The following NCOR2 variants were observed in gnomAD, a reference collection of about 807,000 sequenced individuals.
NCOR2 encodes the protein nuclear receptor corepressor 2.
Under a neutral mutation model 262.9 loss-of-function variants are expected in NCOR2, and 81 were observed. The observed-to-expected ratio is 0.31, with a 90% CI of 0.26 to 0.37. The LOEUF is 0.37. Ranked by LOEUF, NCOR2 falls within the 10% of genes least tolerant of loss-of-function variation. The pLI, the probability that NCOR2 is intolerant of heterozygous loss-of-function variation, is 1.00. For missense variants in NCOR2, 3,385 were observed against 3,621.4 expected (o/e 0.93, Z 1.68); for synonymous variants, 1,659 against 1,559.3 (o/e 1.06, Z -1.51).
intron 1 of NCOR2, chr12:124,529,789 G>A (rs1313551880): frequency 6.6e-6 from 1 of 152,188 alleles, no homozygotes; most frequent in African/African-American, 2.4e-5. Flanking sequence ...CTCCTGGAAC[G>A]GCTAACATTA....
At chr12:124,498,610 G>A (rs978755870), upstream of NCOR2, among the ~76,000 whole-genome samples, 1 of 152,190 alleles carries the variant, frequency 6.6e-6, no homozygotes, top group East Asian at 1.9e-4. Context: ...ACGGTTTGGC[G>A]GTTCCTCAAA....
chr12:124,343,120 G>A (rs1159772523), exon 33 of NCOR2: 13 of 1,612,262 alleles, frequency 8.1e-6, no homozygotes, highest in African/African-American at 1.3e-5. Context: ...AGGGCGAGAT[G>A]GGGTGTGGGT....
chr12:124,425,189 A>T (rs559406731), intron 11 of NCOR2, among the ~76,000 whole-genome samples: 2 of 152,146 alleles, frequency 1.3e-5, no homozygotes, highest in Non-Finnish European at 2.9e-5. Flanking sequence ...CCTGGCTAAC[A>T]TGGTGAAACC....
In NCOR2 at chr12:124,335,076, C is replaced by T. The variant is rs4765546; in HGVS notation, c.6411+59G>A. On this transcript the variant is annotated intron_variant, in intron 40 of 46. Transcript: ENST00000405201. ...GGCTGTGGGGTTCCCCATCCCCTCT[C>T]CAGGCCTGGTGCCCCCAGGTGCAAA... The T allele has an allele frequency of 6.8e-3, 10,906 of 1,611,262 alleles. 479 individuals are homozygous for T. In the African/African-American group the frequency reaches 0.11, roughly 16 times the overall value.
chr12:124,446,174 T>C (rs1434034843), intron 7 of NCOR2, among the ~76,000 whole-genome samples: 1 of 152,198 alleles, frequency 6.6e-6, no homozygotes. Flanking sequence ...TCCTGGGCAC[T>C]GCAGATTTCC....
At chr12:124,373,843 T>G (rs909866592) in intron 19 of NCOR2, among the ~76,000 whole-genome samples, 1 of 2,832 alleles carries the variant, frequency 3.5e-4, no homozygotes, top group South Asian at 6.7e-3. Context: ...CGGTGGACAA[T>G]CATGAGGCCA....
At chr12:124,444,735 C>A (rs538992879) in intron 7 of NCOR2, among the ~76,000 whole-genome samples, 20 of 152,108 alleles carry the variant, frequency 1.3e-4, no homozygotes, top group African/African-American at 4.8e-4. Context: ...GAAGAGACTG[C>A]GGGTTGGGGT....
At position 124,363,705 on chromosome 12, in the gene NCOR2, G is replaced by A; in HGVS notation, c.2902C>T (p.Gln968Ter). 7.1e-7 allele frequency: 1 copy of A among 1,407,800 alleles called. No homozygotes were observed. Among genetic ancestry groups the A allele is most frequent in the Non-Finnish European group, 9.3e-7 (1 of 1,071,004 alleles). 87.2% of individuals were successfully genotyped at this position (1,407,800 alleles called of 1,614,324 possible). Residue 968 changes from glutamine (Q) to a stop codon, truncating the protein, a stop_gained, in exon 21 of 47, where the codon CAG becomes TAG. Coordinates refer to ENST00000405201, the Ensembl canonical transcript of NCOR2. LOFTEE classifies it high-confidence loss of function. Reference sequence around the variant, plus strand: ...ATGGGGGGGATGGCAGCCGCTCGCTGCTTCAGCTGCTTCAGGTCCAGTGGC... The same window carrying A: ...ATGGGGGGGATGGCAGCCGCTCGCTACTTCAGCTGCTTCAGGTCCAGTGGC...
intron 5 of NCOR2, among the ~76,000 whole-genome samples, chr12:124,464,127 C>T (rs1300656694): frequency 3.9e-5 from 6 of 152,164 alleles, no homozygotes; most frequent in Admixed American, 1.3e-4. Flanking sequence ...AGGAGGAAAA[C>T]GGGTGTCATC....
intron 1 of NCOR2, chr12:124,513,751 CA>C (rs1451301111): frequency 7.9e-5 from 12 of 152,240 alleles, no homozygotes; most frequent in Non-Finnish European, 1.2e-4. Flanking sequence ...CTGAGGCTGT[CA>C]CCACCCCTCC....
chr12:124,553,022 A>G (rs1336532550), intron 1 of NCOR2, among the ~76,000 whole-genome samples: 7 of 152,198 alleles, frequency 4.6e-5, no homozygotes, highest in African/African-American at 1.7e-4. Flanking sequence ...TGGAGATCCA[A>G]GGTCTGAAAT....
chr12:124,478,353 A>G (rs1455276783), intron 3 of NCOR2, among the ~76,000 whole-genome samples: 2 of 152,210 alleles, frequency 1.3e-5, no homozygotes, highest in Non-Finnish European at 2.9e-5. Context: ...ATTTTCAGAG[A>G]TAGTGCTATT....
At chr12:124,474,726 C>T (rs1281855139) in intron 3 of NCOR2, among the ~76,000 whole-genome samples, 1 of 152,140 alleles carries the variant, frequency 6.6e-6, no homozygotes, top group Non-Finnish European at 1.5e-5. Flanking sequence ...GAGTTAATGG[C>T]TCTGAGCCTG....
intron 6 of NCOR2, among the ~76,000 whole-genome samples, chr12:124,451,236 C>T (rs1438306988): frequency 2.0e-5 from 3 of 152,266 alleles, no homozygotes; most frequent in African/African-American, 7.2e-5. Flanking sequence ...CCCCGACTCC[C>T]TCGCTGGCCA....
rs1337487560 is a variant in NCOR2 at position 124,503,599 on chromosome 12, G to A, written c.-117-8231C>T. On this transcript the variant is annotated intron_variant, in intron 1 of 46. Transcript: ENST00000404621. The surrounding 1 kb of genome is among the most constrained non-coding windows in gnomAD (Gnocchi z 4.3). ...AGACGGACGGATGGACGGATGGATGGATGGACGGACGGACGGATGGATGGA... is the reference window on the plus strand; with the variant it reads ...AGACGGACGGATGGACGGATGGATGAATGGACGGACGGACGGATGGATGGA... Among the ~76,000 whole-genome samples, 1 of 148,336 alleles carries A rather than the reference G, an allele frequency of 6.7e-6. No homozygotes were observed. Among genetic ancestry groups the A allele is most frequent in the Non-Finnish European group, 1.5e-5 (1 of 66,952 alleles).
intron 18 of NCOR2, among the ~76,000 whole-genome samples, chr12:124,376,270 T>TC (rs2039986742): frequency 6.6e-6 from 1 of 152,100 alleles, no homozygotes; most frequent in Non-Finnish European, 1.5e-5. Flanking sequence ...CCCCTCCCCG[T>TC]CCCTACGGGG....
chr12:124,346,627 C>T (rs1373865005), exon 31 of NCOR2: 17 of 1,594,150 alleles, frequency 1.1e-5, no homozygotes, highest in Non-Finnish European at 1.3e-5. Context: ...TGTGCCGCAG[C>T]TCCTCGCGCG....
intron 15 of NCOR2, among the ~76,000 whole-genome samples, chr12:124,398,644 C>A (rs1467517888): frequency 6.6e-6 from 1 of 152,212 alleles, no homozygotes; most frequent in African/African-American, 2.4e-5. Flanking sequence ...GAGCCCAGCT[C>A]TTCTATTACT....
At chr12:124,392,466 C>A (rs921037934) in intron 16 of NCOR2, among the ~76,000 whole-genome samples, 1 of 152,156 alleles carries the variant, frequency 6.6e-6, no homozygotes, top group Non-Finnish European at 1.5e-5. Context: ...GGCACCGCAC[C>A]GTCCCTGCCT....
Sources: allele counts gnomAD v4.1 joint callset (sites outside exome capture counted in the v4.1 genomes callset), GRCh38; gene constraint gnomAD v4.1.1; non-coding constraint Gnocchi (gnomAD v3.1); transcripts MANE v1.5; gene names NCBI Gene and HGNC (gene_info 2026-07-23, HGNC 2026-07-21).